KIF26A: variants seen among roughly 807,000 people sequenced by gnomAD.
KIF26A encodes kinesin family member 26A, also known as kinesin-like protein KIF26A.
In KIF26A, 74 loss-of-function variants were observed where a neutral mutation model predicts 126.0. The ratio of observed to expected loss-of-function variants is 0.59; its 90% CI spans 0.49 to 0.71. The LOEUF is 0.71. Among genes scored for constraint, KIF26A ranks in the 30% least tolerant of loss-of-function variants. The pLI is 0.00. For synonymous variants in KIF26A, 1,445 were observed against 1,232.7 expected (o/e 1.17, Z -3.61); for missense variants, 2,984 against 2,763.3 (o/e 1.08, Z -1.79).
chr14:104,176,084 C>G lies in KIF26A; in HGVS notation c.3296C>G (p.Ala1099Gly). 1 of 1,591,080 alleles carries G rather than the reference C, an allele frequency of 6.3e-7. No individual in the cohort carries two copies. Among genetic ancestry groups the G allele is most frequent in the Non-Finnish European group, 8.5e-7 (1 of 1,170,764 alleles). Residue 1099 changes from alanine to glycine, a missense_variant, in exon 12 of 15, where the codon GCA (alanine) becomes GGA (glycine). Coordinates refer to ENST00000423312, the MANE Select transcript of KIF26A (RefSeq NM_015656.2). ...QAPEGGPLEG[A>G]AWAGSSHGSS... ...CCTGAGGGGGGGCCCCTGGAGGGGG[C>G]AGCCTGGGCCGGCAGCAGTCACGGC...
intron 2 of KIF26A, 132 bp downstream of exon 2, chr14:104,139,420 A>G (rs1428068652): frequency 2.6e-6 from 3 of 1,172,450 alleles, no homozygotes; most frequent in Non-Finnish European, 3.4e-6. Flanking sequence ...ATCAGCCAGG[A>G]CTTCCCTTCT....
chr14:104,172,888 G>A, intron 7 of KIF26A, 89 bp from the exon 8 acceptor site: 1 of 1,436,496 alleles, frequency 7.0e-7, no homozygotes, highest in South Asian at 1.5e-5. Flanking sequence ...TGAGATCTCG[G>A]TGCCCCTGGT....
intron 6 of KIF26A, among the ~76,000 whole-genome samples, 186 bp from the exon 7 acceptor site, chr14:104,172,389 C>T (rs566354893): frequency 1.3e-5 from 2 of 152,254 alleles, no homozygotes; most frequent in Admixed American, 1.3e-4. Flanking sequence ...TACGTGTGTC[C>T]TGGGTCCTGT....
intron 4 of KIF26A, among the ~76,000 whole-genome samples, chr14:104,165,809 C>G (rs75622068): frequency 8.6e-5 from 13 of 150,996 alleles, no homozygotes; most frequent in Admixed American, 4.0e-4. Flanking sequence ...ATATGTGTGT[C>G]TGTGTGTTTC....
At chr14:104,168,889 G>C (rs544489890) in intron 5 of KIF26A, among the ~76,000 whole-genome samples, 4 of 151,942 alleles carry the variant, frequency 2.6e-5, no homozygotes, top group Non-Finnish European at 4.4e-5. Flanking sequence ...AGAGTTGGGG[G>C]ACTAGGCCGG....
At position 104,178,775 on chromosome 14, in the gene KIF26A, G is replaced by T. The variant is rs1323031105; in HGVS notation, c.5316+20G>T. ...ACCCAGGTAGGGCCTTTGGTGGGCTGGGGTCTATGACCCCTGGTGGGGAGC... is the reference window on the plus strand; with the variant it reads ...ACCCAGGTAGGGCCTTTGGTGGGCTTGGGTCTATGACCCCTGGTGGGGAGC... On this transcript the variant is annotated intron_variant, in intron 13 of 14. Coordinates refer to ENST00000423312, the MANE Select transcript of KIF26A (RefSeq NM_015656.2). 1 of 1,402,296 alleles carries T rather than the reference G, an allele frequency of 7.1e-7. No homozygotes were observed. Among genetic ancestry groups the T allele is most frequent in the Non-Finnish European group, 9.7e-7 (1 of 1,030,232 alleles). 86.9% of individuals were successfully genotyped at this position (1,402,296 alleles called of 1,614,324 possible). A position where few individuals can be genotyped will look rare whatever the true frequency, so the allele number is the denominator to read the frequency against.
chr14:104,143,618 G>C (rs1158396294), intron 2 of KIF26A, among the ~76,000 whole-genome samples: 1 of 152,208 alleles, frequency 6.6e-6, no homozygotes, highest in Non-Finnish European at 1.5e-5. Flanking sequence ...CCCCCAAATA[G>C]GCAATGGTCC....
At chr14:104,165,201 G>A (rs111074453) in intron 4 of KIF26A, among the ~76,000 whole-genome samples, 1 of 128,670 alleles carries the variant, frequency 7.8e-6, no homozygotes, top group East Asian at 2.0e-4. Context: ...GCATGTGTGT[G>A]TCTGTGTCTC....
chr14:104,162,580 T>TC, intron 4 of KIF26A, among the ~76,000 whole-genome samples: 1 of 152,234 alleles, frequency 6.6e-6, no homozygotes, highest in East Asian at 1.9e-4. Flanking sequence ...GGCCTCCGCG[T>TC]CCCCTGGAAG....
rs1321192017 is a variant in KIF26A at position 104,174,142 on chromosome 14, C to T, written c.2031-6C>T. 6.4e-7 allele frequency: 1 copy of T among 1,557,056 alleles called. No homozygotes were observed. Among genetic ancestry groups the T allele is most frequent in the African/African-American group, 1.4e-5 (1 of 73,344 alleles). On this transcript the variant is annotated splice_region_variant and splice_polypyrimidine_tract_variant and intron_variant, in intron 10 of 14. Transcript: ENST00000423312. ...GCCTTGGCATCTGAACCGCCTCGAC[C>T]CGCAGGGACCACAGGCTCACCATGC...
At chr14:104,146,539 C>T (rs930348457) in intron 2 of KIF26A, among the ~76,000 whole-genome samples, 5 of 151,258 alleles carry the variant, frequency 3.3e-5, no homozygotes, top group African/African-American at 7.3e-5. Flanking sequence ...CAGAGGGTGG[C>T]GACCACCGCA....
At position 104,139,341 on chromosome 14, in the gene KIF26A, G is replaced by T. The variant is rs1403598491; in HGVS notation, c.288+53G>T. On this transcript the variant is annotated intron_variant, in intron 2 of 14. Coordinates refer to ENST00000423312, the MANE Select transcript of KIF26A (RefSeq NM_015656.2). ...CTCCGAGCAGGGCCACGCCGAACTTGGGTAGAACTTGGGGCTTGGAGGGAA... is the reference window on the plus strand; with the variant it reads ...CTCCGAGCAGGGCCACGCCGAACTTTGGTAGAACTTGGGGCTTGGAGGGAA... The T allele has an allele frequency of 5.1e-6, 7 of 1,382,106 alleles. No individual in the cohort carries two copies. In the African/African-American group the frequency reaches 1.1e-4, roughly 21 times the overall value. 85.6% of individuals were successfully genotyped at this position (1,382,106 alleles called of 1,614,324 possible). A position where few individuals can be genotyped will look rare whatever the true frequency, so the allele number is the denominator to read the frequency against.
rs1403274059 is a variant in KIF26A, at chr14:104,151,964, G to A, written c.289-51G>A. The A allele has an allele frequency of 1.2e-5, 19 of 1,559,322 alleles. No homozygotes were observed. Among genetic ancestry groups the A allele is most frequent in the Admixed American group, 3.4e-5 (2 of 59,590 alleles). ...AGAGTGCTGGTGGGCTCTGGGTGCC[G>A]GCCCTCCCTCCCCAGGCACTGACCC... On this transcript the variant is annotated intron_variant, in intron 2 of 14. Coordinates refer to ENST00000423312, the MANE Select transcript of KIF26A (RefSeq NM_015656.2). The surrounding 1 kb of genome is among the most constrained non-coding windows in gnomAD (Gnocchi z 4.9).
At chr14:104,172,050 G>A (rs1033901188) in intron 6 of KIF26A, 115 bp downstream of exon 6, 5 of 1,029,702 alleles carry the variant, frequency 4.9e-6, no homozygotes, top group Non-Finnish European at 7.0e-6. Flanking sequence ...AAGCGTGAGC[G>A]AGGGGCCCGC....
chr14:104,165,954 C>T (rs940761621), intron 4 of KIF26A, among the ~76,000 whole-genome samples: 15 of 151,862 alleles, frequency 9.9e-5, no homozygotes, highest in African/African-American at 1.2e-4. Flanking sequence ...TAAACCCAAG[C>T]GTCAGCCTCT....
intron 6 of KIF26A, among the ~76,000 whole-genome samples, chr14:104,172,321 G>C (rs1453507906): frequency 6.6e-6 from 1 of 152,244 alleles, no homozygotes; most frequent in East Asian, 1.9e-4. Flanking sequence ...CCTGCGCCCG[G>C]CGGCTGGACT....
In KIF26A at chr14:104,175,488, A is replaced by C; in HGVS notation, c.2700A>C (p.Arg900=). ...VGTPMAASTP[R]GSSGPDTHQG... is the part of the protein sequence containing the mutation. Reference sequence around the variant, plus strand: ...CCCCGATGGCTGCCAGCACCCCTCGAGGCAGTTCTGGTCCAGACACCCACC... The same window carrying C: ...CCCCGATGGCTGCCAGCACCCCTCGCGGCAGTTCTGGTCCAGACACCCACC... Residue 900 remains arginine, a synonymous_variant, in exon 12 of 15, where the codon CGA becomes CGC. Transcript: ENST00000423312. 1 of 1,594,194 alleles carries C rather than the reference A, an allele frequency of 6.3e-7. No individual in the cohort carries two copies. The highest frequency in any genetic ancestry group is 8.5e-7 in the Non-Finnish European group (1 of 1,177,316).
Position 104,170,129 on chromosome 14 carries a change from G to A in KIF26A, c.1114-1594G>A, listed in dbSNP as rs117606037. Reference sequence around the variant, plus strand: ...AGAGCCAAACCGTGAGCCTCTCCACGCCACTCCTTCCCGCTAGGAAGTCTC... The same window carrying A: ...AGAGCCAAACCGTGAGCCTCTCCACACCACTCCTTCCCGCTAGGAAGTCTC... On this transcript the variant is annotated intron_variant, in intron 5 of 14. Coordinates refer to ENST00000423312, the MANE Select transcript of KIF26A (RefSeq NM_015656.2). 2.5e-4 allele frequency among the ~76,000 whole-genome samples: 38 copies of A among 152,298 alleles called. No individual in the cohort carries two copies. In the East Asian group the frequency reaches 7.1e-3, roughly 29 times the overall value.
rs2038087753 is a variant in KIF26A at position 104,180,229 on chromosome 14, TC to T, written c.*440del. The T allele has an allele frequency of 6.3e-6, 1 of 158,396 alleles. No homozygotes were observed. Among genetic ancestry groups the T allele is most frequent in the Non-Finnish European group, 1.4e-5 (1 of 72,440 alleles). 9.8% of individuals were successfully genotyped at this position (158,396 alleles called of 1,614,324 possible). A position where few individuals can be genotyped will look rare whatever the true frequency, so the allele number is the denominator to read the frequency against. On this transcript the variant is annotated 3_prime_UTR_variant, in exon 15 of 15. Coordinates refer to ENST00000423312, the MANE Select transcript of KIF26A (RefSeq NM_015656.2). ...CTTACCTGCACGCCCCAGGGGTCTT[TC>T]AGGATTCAGGATGACTTTTCTTTTA...
Sources: allele counts gnomAD v4.1 joint callset (sites outside exome capture counted in the v4.1 genomes callset), GRCh38; gene constraint gnomAD v4.1.1; non-coding constraint Gnocchi (gnomAD v3.1); transcripts MANE v1.5; gene names NCBI Gene and HGNC (gene_info 2026-07-23, HGNC 2026-07-21).